UVSSA: variants seen among roughly 807,000 people sequenced by gnomAD.
UVSSA encodes UV-stimulated scaffold protein A.
UVSSA carries 72 observed loss-of-function variants against 73.9 expected under a neutral mutation model. The observed-to-expected ratio is 0.97, with a 90% confidence interval of 0.81 to 1.19. The LOEUF is 1.19. Among genes scored for constraint, UVSSA ranks in the 50% most tolerant of loss-of-function variants. The probability of loss-of-function intolerance (pLI) is 0.00; values close to 1 mark genes in which losing one functional copy is unlikely to be tolerated. For synonymous variants in UVSSA, 454 were observed against 391.3 expected (o/e 1.16, Z -1.89); for missense variants, 1,150 against 965.0 (o/e 1.19, Z -2.54).
chr4:1,395,494 G>A (rs1720525310), exon 14 of UVSSA: 2 of 1,563,700 alleles, frequency 1.3e-6, no homozygotes, highest in African/African-American at 1.6e-5. Flanking sequence ...TGCCATTGTG[G>A]AGTGCCCGCC....
chr4:1,359,503 C>G (rs1716307907), intron 7 of UVSSA: 1 of 152,246 alleles, frequency 6.6e-6, no homozygotes, highest in African/African-American at 2.4e-5. Flanking sequence ...AATTTCCTAT[C>G]AGCCAGTGAG....
chr4:1,357,082 T>A (rs1278946603), intron 7 of UVSSA: 4 of 152,678 alleles, frequency 2.6e-5, no homozygotes, highest in Non-Finnish European at 5.8e-5. Context: ...TTGGTGAGGG[T>A]CCATAGAGCA....
chr4:1,375,968 G>A (rs1718712820), intron 9 of UVSSA, 66 bp from the exon 10 acceptor site: 1 of 1,548,492 alleles, frequency 6.5e-7, no homozygotes, highest in South Asian at 1.2e-5. Flanking sequence ...GGGGTGGGGA[G>A]GGAGAGGAGG....
exon 14 of UVSSA, chr4:1,395,507 C>G (rs758890909): frequency 8.1e-6 from 13 of 1,599,726 alleles, no homozygotes; most frequent in Non-Finnish European, 1.1e-5. Flanking sequence ...TGCCCGCCTG[C>G]TCACACACAT....
chr4:1,342,380 T>G (rs568858960), upstream of UVSSA, among the ~76,000 whole-genome samples: 7 of 152,386 alleles, frequency 4.6e-5, 1 homozygote, highest in East Asian at 1.3e-3. Context: ...TTTACATATT[T>G]GTCTATTGCT....
intron 8 of UVSSA, chr4:1,375,078 A>G: frequency 2.2e-6 from 1 of 446,256 alleles, no homozygotes; most frequent in South Asian, 2.9e-5. Context: ...CCATCTGCTC[A>G]GGCTGGCACT....
rs1271594895 is a variant in UVSSA at position 1,381,052 on chromosome 4, CG to C, written c.1861+68del. On this transcript the variant is annotated intron_variant, in intron 12 of 13. Coordinates refer to ENST00000389851, the MANE Select transcript of UVSSA (RefSeq NM_020894.4). ...CTGGGACTCACTGCCACTAGTGGCC[CG>C]GGGTGTGTCTGCAGAGTCACAGAGC... 4 of 1,460,462 alleles carry C rather than the reference CG, an allele frequency of 2.7e-6. No homozygotes were observed. In the African/African-American group the frequency reaches 5.6e-5, roughly 20 times the overall value. The allele number at this position is 1,460,462 out of a possible 1,614,324, so 90.5% of individuals were successfully genotyped here.
chr4:1,378,849 C>T (rs978441611), intron 10 of UVSSA, among the ~76,000 whole-genome samples: 2 of 152,370 alleles, frequency 1.3e-5, no homozygotes, highest in Admixed American at 6.5e-5. Flanking sequence ...TTCAGCCCAC[C>T]AGGGCTTTGC....
rs62284729 is a variant in UVSSA at position 1,372,825 on chromosome 4, C to T, written c.1289-2539C>T. Among the ~76,000 whole-genome samples the T allele has an allele frequency of 6.2e-3, 290 of 47,152 alleles. 32 individuals carry two copies. The highest frequency in any genetic ancestry group is 0.018 in the African/African-American group (159 of 8,832). The allele number at this position is 47,152 out of a possible 152,430, so 30.9% of individuals were successfully genotyped here. On this transcript the variant is annotated intron_variant, in intron 8 of 13. Transcript: ENST00000389851. ...CACCTCCCGCGTCTCAGGGCACTCA[C>T]CTCCCGCGTCTCAGGGCACTCACCT...
chr4:1,383,871 C>T lies in UVSSA; in HGVS notation c.1967C>T (p.Pro656Leu). 6.2e-7 allele frequency: 1 copy of T among 1,613,580 alleles called. No homozygotes were observed. The highest frequency in any genetic ancestry group is 8.5e-7 in the Non-Finnish European group (1 of 1,179,988). The stretch of plus-strand genomic sequence containing the variant: ...GGCAGGGGGAAGAAGAGGAGGTACC[C>T]CAGCCTCACCAACCTGAAGGCTCAG... ...GKGRGKKRRY[P>L]SLTNLKAQAD... is the part of the protein sequence containing the mutation. Residue 656 changes from proline (P) to leucine (L), a missense_variant, in exon 13 of 14, where the codon CCC becomes CTC. Transcript: ENST00000389851.
chr4:1,363,938 T>TG (rs1716978592), intron 7 of UVSSA, among the ~76,000 whole-genome samples: 1 of 152,260 alleles, frequency 6.6e-6, no homozygotes, highest in African/African-American at 2.4e-5. Context: ...ATGATTGGTG[T>TG]GGGGGCCACC....
At chr4:1,376,246 A>C in intron 10 of UVSSA, 78 bp downstream of exon 10, 1 of 1,487,646 alleles carries the variant, frequency 6.7e-7, no homozygotes, top group Non-Finnish European at 9.0e-7. Context: ...CCGGCTCACC[A>C]GGCCTCCCTG....
chr4:1,382,575 G>A (rs1219187934), intron 12 of UVSSA, among the ~76,000 whole-genome samples: 2 of 152,232 alleles, frequency 1.3e-5, no homozygotes, highest in Non-Finnish European at 2.9e-5. Context: ...TCTGCTGGGT[G>A]CCGGGGCTTT....
chr4:1,371,702 A>G (rs1056682698), intron 8 of UVSSA, among the ~76,000 whole-genome samples: 1 of 152,226 alleles, frequency 6.6e-6, no homozygotes, highest in Non-Finnish European at 1.5e-5. Context: ...TACAGCCGTC[A>G]GATCTCGTGA....
At position 1,353,092 on chromosome 4, in the gene UVSSA, C is replaced by A. The variant is rs150774883; in HGVS notation, c.613C>A (p.Pro205Thr). The A allele has an allele frequency of 3.1e-4, 499 of 1,613,056 alleles. No individual in the cohort carries two copies. Among genetic ancestry groups the A allele is most frequent in the Admixed American group, 9.2e-4 (55 of 60,022 alleles). Residue 205 changes from proline (P) to threonine (T), a missense_variant, in exon 5 of 14, where the codon CCT becomes ACT. Coordinates refer to ENST00000389851, the MANE Select transcript of UVSSA (RefSeq NM_020894.4). ...EVESCFRLLVPFDFDPNPETE... is the reference protein window; with the variant it reads ...EVESCFRLLVTFDFDPNPETE... ...AGAGAGCTGCTTTAGGCTGCTGGTG[C>A]CTTTTGACTTTGACCCGAACCCGGA...
At chr4:1,351,173 C>T (rs953057815) in intron 3 of UVSSA, among the ~76,000 whole-genome samples, 6 of 151,788 alleles carry the variant, frequency 4.0e-5, no homozygotes, top group African/African-American at 1.5e-4. Context: ...TCACGCCATT[C>T]TCCTGCCTCA....
At position 1,349,848 on chromosome 4, in the gene UVSSA, C is replaced by T; in HGVS notation, c.423C>T (p.Asn141=). The change falls in exon 3 of 14, where the codon AAC becomes AAT. Residue 141 remains asparagine (N), a synonymous_variant. Transcript: ENST00000389851. Reference sequence around the variant, plus strand: ...TGGGCTACCACTTCTTAAGACACAACAAAAAGGTAGGTGGGCCTGGCCCAT... The same window carrying T: ...TGGGCTACCACTTCTTAAGACACAATAAAAAGGTAGGTGGGCCTGGCCCAT... ...LALGYHFLRH[N]KKVDFQDTNA... The T allele has an allele frequency of 6.5e-7, 1 of 1,543,228 alleles. No individual in the cohort carries two copies. Among genetic ancestry groups the T allele is most frequent in the Non-Finnish European group, 8.7e-7 (1 of 1,145,516 alleles).
At chr4:1,360,930 G>A (rs916892632) in intron 7 of UVSSA, among the ~76,000 whole-genome samples, 1 of 152,200 alleles carries the variant, frequency 6.6e-6, no homozygotes, top group African/African-American at 2.4e-5. Context: ...TAAGAACCAG[G>A]CCCACAACCT....
chr4:1,369,902 C>T (rs972324512), intron 8 of UVSSA, among the ~76,000 whole-genome samples: 2 of 152,240 alleles, frequency 1.3e-5, no homozygotes, highest in African/African-American at 2.4e-5. Flanking sequence ...GCAAGGCGGG[C>T]GCCGCGTTCG....
Sources: gnomAD v4.1 joint callset for allele counts (sites outside exome capture counted in the v4.1 genomes callset) on GRCh38, gnomAD v4.1.1 for gene constraint, MANE v1.5 for transcripts, NCBI Gene and HGNC (gene_info 2026-07-23, HGNC 2026-07-21) for gene names.